The following CBLN4 variants were observed in gnomAD, a reference collection of about 807,000 sequenced individuals.
CBLN4 encodes cerebellin-4.
A neutral mutation model predicts 14.9 loss-of-function variants in CBLN4; 7 were observed. The ratio of observed to expected loss-of-function variants is 0.47; its 90% CI spans 0.27 to 0.88. The LOEUF is 0.88. Among genes scored for constraint, CBLN4 ranks in the 40% least tolerant of loss-of-function variants. CBLN4 has a pLI of 0.14. For synonymous variants in CBLN4, 131 were observed against 116.5 expected, an observed-to-expected ratio of 1.12 and a Z score of -0.80; for missense variants, 188 against 256.8, an observed-to-expected ratio of 0.73 and a Z score of 1.83.
At chr20:55,999,804 T>C (rs1193784979) in intron 2 of CBLN4, among the ~76,000 whole-genome samples, 1 of 152,200 alleles carries the variant, frequency 6.6e-6, no homozygotes, top group East Asian at 1.9e-4. Flanking sequence ...GTGTCAAGCA[T>C]TGCATACATT....
chr20:56,004,998 G>C lies in CBLN4; in HGVS notation c.-827C>G, dbSNP rs1459610807. 1 of 152,332 alleles carries C rather than the reference G, an allele frequency of 6.6e-6. No homozygotes were observed. Among genetic ancestry groups the C allele is most frequent in the Non-Finnish European group, 1.5e-5 (1 of 68,122 alleles). 9.4% of individuals were successfully genotyped at this position (152,332 alleles called of 1,614,324 possible). Reference sequence around the variant, plus strand: ...CGGAGAGCGCGAAGCGGGCACACGCGCTCTATTTATAGGAGCGCAGCGTCC... The same window carrying C: ...CGGAGAGCGCGAAGCGGGCACACGCCCTCTATTTATAGGAGCGCAGCGTCC... On this transcript the variant is annotated 5_prime_UTR_variant, in exon 1 of 3. Coordinates refer to ENST00000064571, the MANE Select transcript of CBLN4 (RefSeq NM_080617.6). This position sits in a 1 kb window ranked among gnomAD's most constrained non-coding sequence, Gnocchi z 6.1.
intron 1 of CBLN4, among the ~76,000 whole-genome samples, chr20:56,001,768 G>C (rs1986377399): frequency 2.0e-5 from 3 of 152,104 alleles, no homozygotes; most frequent in African/African-American, 7.2e-5. Context: ...ATTCAGCCTA[G>C]TTCTATTGGT....
chr20:56,002,406 C>G (rs1355587742), intron 1 of CBLN4, among the ~76,000 whole-genome samples: 5 of 152,174 alleles, frequency 3.3e-5, no homozygotes, highest in Non-Finnish European at 5.9e-5. Flanking sequence ...TTAGTGTTGG[C>G]TACATATAAA....
At chr20:56,000,485 T>A (rs969860921) in intron 2 of CBLN4, among the ~76,000 whole-genome samples, 10 of 152,234 alleles carry the variant, frequency 6.6e-5, no homozygotes, top group African/African-American at 2.4e-4. Flanking sequence ...CATGGATTTT[T>A]AAAAAATGTT....
At chr20:56,003,776 T>C in intron 1 of CBLN4, 105 bp downstream of exon 1, 1 of 1,201,782 alleles carries the variant, frequency 8.3e-7, no homozygotes, top group Non-Finnish European at 1.2e-6. Context: ...CTTTACATGA[T>C]TCCCCATTTC....
At chr20:56,002,817 G>A (rs1208919796) in intron 1 of CBLN4, among the ~76,000 whole-genome samples, 6 of 152,206 alleles carry the variant, frequency 3.9e-5, no homozygotes, top group Non-Finnish European at 2.9e-5. Context: ...AAGGAATACA[G>A]ATGTCACCTC....
chr20:56,002,901 T>C (rs1234029533), intron 1 of CBLN4, among the ~76,000 whole-genome samples: 2 of 152,202 alleles, frequency 1.3e-5, no homozygotes, highest in African/African-American at 4.8e-5. Flanking sequence ...CATACAACTG[T>C]GAACTGTGAA....
Position 56,000,749 on chromosome 20 carries a change from G to A in CBLN4, c.390C>T (p.Tyr130=), listed in dbSNP as rs1353159640. ...CACACACCTGGATAGTTTGGCTCTG[G>A]TAGACTTTAATCACGTGAAAACTGA... ...YSFSFHVIKV[Y]QSQTIQVNLM... Residue 130 remains tyrosine, a synonymous_variant, in exon 2 of 3, where the codon TAC becomes TAT. Coordinates refer to ENST00000064571, the MANE Select transcript of CBLN4 (RefSeq NM_080617.6). 1 of 1,594,140 alleles carries A rather than the reference G, an allele frequency of 6.3e-7. No individual in the cohort carries two copies. Among genetic ancestry groups the A allele is most frequent in the African/African-American group, 1.3e-5 (1 of 74,248 alleles).
chr20:55,999,851 A>G (rs983232087), intron 2 of CBLN4, among the ~76,000 whole-genome samples: 1 of 152,178 alleles, frequency 6.6e-6, no homozygotes, highest in South Asian at 2.1e-4. Context: ...TTTCCATGGA[A>G]GTAAGTTTGT....
chr20:56,000,395 A>C (rs1269796699), intron 2 of CBLN4, among the ~76,000 whole-genome samples: 1 of 152,192 alleles, frequency 6.6e-6, no homozygotes, highest in Admixed American at 6.5e-5. Flanking sequence ...TTTTCTTATG[A>C]GTTCAAGTAA....
rs201113262 is a variant in CBLN4, at chr20:56,003,902, C to T, written c.270G>A (p.Thr90=). Residue 90 remains threonine (T), a synonymous_variant, in exon 1 of 3, where the codon ACG becomes ACA. Coordinates refer to ENST00000064571, the MANE Select transcript of CBLN4 (RefSeq NM_080617.6). ...NHEPSEMSNK[T]RIIYFDQILV... The stretch of plus-strand genomic sequence containing the variant: ...TGACCTGATCGAAGTAAATGATGCG[C>T]GTCTTGTTGCTCATCTCGGATGGCT... 308 of 1,612,096 alleles carry T rather than the reference C, an allele frequency of 1.9e-4. No homozygotes were observed. Among genetic ancestry groups the T allele is most frequent in the Non-Finnish European group, 2.5e-4 (293 of 1,179,038 alleles).
At position 56,004,138 on chromosome 20, in the gene CBLN4, G is replaced by A. The variant is rs1213563132; in HGVS notation, c.34C>T (p.Pro12Ser). The A allele has an allele frequency of 1.9e-6, 3 of 1,573,346 alleles. No homozygotes were observed. Among genetic ancestry groups the A allele is most frequent in the Non-Finnish European group, 2.6e-6 (3 of 1,163,362 alleles). Residue 12 changes from proline (P) to serine (S), a missense_variant, in exon 1 of 3, where the codon CCG becomes TCG. Pro to Ser is a moderately conservative substitution (Grantham distance 74). This residue lies in a region of CBLN4 where 95 missense variants were observed against 99.2 expected (regional missense o/e 0.96). Transcript: ENST00000064571. This position sits in a 1 kb window ranked among gnomAD's most constrained non-coding sequence, Gnocchi z 6.1. The stretch of plus-strand genomic sequence containing the variant: ...AGCGTGAGGACCAGCAGCACGGCCG[G>A]CACCGCGGACAGCGCCCGGCGCCCG... ...GSGRRALSAV[P>S]AVLLVLTLPG...
chr20:56,002,955 A>T (rs992827616), intron 1 of CBLN4, among the ~76,000 whole-genome samples: 2 of 152,202 alleles, frequency 1.3e-5, no homozygotes, highest in Non-Finnish European at 2.9e-5. Context: ...GGCTGAAATT[A>T]AAAACTCTGA....
intron 1 of CBLN4, 69 bp downstream of exon 1, chr20:56,003,812 A>C (rs1986415121): frequency 2.0e-6 from 3 of 1,490,074 alleles, no homozygotes; most frequent in Non-Finnish European, 2.7e-6. Context: ...TAGCCTGGGC[A>C]GGCAGCCTCG....
chr20:55,998,789 C>T, intron 2 of CBLN4, 35 bp from the exon 3 acceptor site: 2 of 1,524,926 alleles, frequency 1.3e-6, no homozygotes, highest in Non-Finnish European at 1.8e-6. Context: ...TTGAAAAGTT[C>T]TCTTTAAAGT....
At chr20:56,003,847 AC>A in intron 1 of CBLN4, 33 bp downstream of exon 1, 1 of 1,555,858 alleles carries the variant, frequency 6.4e-7, no homozygotes. Context: ...GAGACCGCCC[AC>A]CCCCTAGGTG....
chr20:55,999,511 G>A (rs537545835), intron 2 of CBLN4, among the ~76,000 whole-genome samples: 11 of 152,200 alleles, frequency 7.2e-5, no homozygotes, highest in East Asian at 3.9e-4. Flanking sequence ...ACCTATAGTC[G>A]TAGCTTCTCA....
chr20:56,005,460 G>T lies in CBLN4; in HGVS notation c.-1289C>A, dbSNP rs1986454456. On this transcript the variant is annotated 5_prime_UTR_variant, in exon 1 of 3. Coordinates refer to ENST00000064571, the MANE Select transcript of CBLN4 (RefSeq NM_080617.6). ...GCGGGCGTCCCGACCGCGCCTGGCCGGGAGCCCGCCCCACACAGCCCTGGG... is the reference window on the plus strand; with the variant it reads ...GCGGGCGTCCCGACCGCGCCTGGCCTGGAGCCCGCCCCACACAGCCCTGGG... 1 of 152,190 alleles carries T rather than the reference G, an allele frequency of 6.6e-6. No individual in the cohort carries two copies. Among genetic ancestry groups the T allele is most frequent in the Admixed American group, 6.5e-5 (1 of 15,282 alleles). The allele number at this position is 152,190 out of a possible 1,614,324, so 9.4% of individuals were successfully genotyped here.
chr20:56,002,878 C>T (rs1986397249), intron 1 of CBLN4, among the ~76,000 whole-genome samples: 1 of 152,218 alleles, frequency 6.6e-6, no homozygotes, highest in African/African-American at 2.4e-5. Flanking sequence ...GCCCCCTGCA[C>T]ATTGCAGCTT....
Sources: allele counts gnomAD v4.1 joint callset (sites outside exome capture counted in the v4.1 genomes callset), GRCh38; gene constraint gnomAD v4.1.1; regional missense constraint gnomAD v4.1.1; non-coding constraint Gnocchi (gnomAD v3.1); transcripts MANE v1.5; gene names NCBI Gene and HGNC (gene_info 2026-07-23, HGNC 2026-07-21).